The following TFEC variants were observed in gnomAD, a reference collection of about 807,000 sequenced individuals.
TFEC encodes class E basic helix-loop-helix protein 34.
A neutral mutation model predicts 41.6 loss-of-function variants in TFEC; 31 were observed. The observed-to-expected ratio is 0.74, with a 90% CI of 0.56 to 1.01. The LOEUF (loss-of-function observed/expected upper bound fraction) is 1.01. Ranked by LOEUF, TFEC falls within the 50% of genes least tolerant of loss-of-function variation. The pLI, the probability that TFEC is intolerant of heterozygous loss-of-function variation, is 0.00. For synonymous variants in TFEC, 143 were observed against 140.6 expected, an observed-to-expected ratio of 1.02 and a Z score of -0.12; for missense variants, 402 against 404.1, an observed-to-expected ratio of 0.99 and a Z score of 0.04.
chr7:116,066,793 G>C (rs540739475), intron 3 of TFEC, among the ~76,000 whole-genome samples: 1 of 151,960 alleles, frequency 6.6e-6, no homozygotes, highest in East Asian at 1.9e-4. Context: ...TGGTGCCCTC[G>C]TGGTCTTGAG....
At chr7:116,071,523 G>A (rs542638665) in intron 3 of TFEC, among the ~76,000 whole-genome samples, 1 of 151,340 alleles carries the variant, frequency 6.6e-6, no homozygotes, top group South Asian at 2.1e-4. Flanking sequence ...TTCTTAACAT[G>A]ATTTTAAGAA....
At chr7:115,992,214 G>A (rs573860266) in intron 1 of TFEC, among the ~76,000 whole-genome samples, 1 of 152,192 alleles carries the variant, frequency 6.6e-6, no homozygotes, top group Non-Finnish European at 1.5e-5. Flanking sequence ...GCAGTGTGTA[G>A]AGGGAAATTT....
At chr7:116,029,408 T>C (rs946988249) in intron 1 of TFEC, among the ~76,000 whole-genome samples, 3 of 152,180 alleles carry the variant, frequency 2.0e-5, no homozygotes, top group Middle Eastern at 3.2e-3. Context: ...TGAAGCAGAA[T>C]TGTCCGAATA....
intron 3 of TFEC, among the ~76,000 whole-genome samples, chr7:116,037,053 C>A (rs1228223366): frequency 6.6e-6 from 1 of 152,046 alleles, no homozygotes; most frequent in Admixed American, 6.6e-5. Context: ...GAAAGTCGTT[C>A]TGCAAGTAAA....
chr7:116,037,702 T>A (rs536507186), intron 3 of TFEC, among the ~76,000 whole-genome samples: 69 of 152,078 alleles, frequency 4.5e-4, no homozygotes, highest in African/African-American at 1.4e-3. Flanking sequence ...CTACAAATTA[T>A]CTAAAATATA....
At chr7:115,941,172 G>T (rs1196350107) in intron 7 of TFEC, 3 of 411,654 alleles carry the variant, frequency 7.3e-6, no homozygotes, top group South Asian at 4.1e-5. Context: ...CAAAGGTTAT[G>T]ACTGATGATG....
At chr7:115,956,100 T>G (rs1022069559) in intron 4 of TFEC, among the ~76,000 whole-genome samples, 6 of 152,046 alleles carry the variant, frequency 3.9e-5, no homozygotes, top group Admixed American at 1.3e-4. Context: ...CCTGGGTTGA[T>G]TTCCTCATTT....
At chr7:115,990,885 A>T (rs1162008052) in intron 1 of TFEC, among the ~76,000 whole-genome samples, 1 of 152,208 alleles carries the variant, frequency 6.6e-6, no homozygotes, top group Non-Finnish European at 1.5e-5. Flanking sequence ...AGAGAACGCC[A>T]CAAAGATACT....
intron 3 of TFEC, among the ~76,000 whole-genome samples, chr7:116,048,483 A>G (rs1314912658): frequency 6.6e-6 from 1 of 152,246 alleles, no homozygotes; most frequent in Admixed American, 6.5e-5. Flanking sequence ...GGATCACATG[A>G]AAAGACCAAA....
Position 116,149,530 on chromosome 7 carries a change from G to A in TFEC, c.-69+10260C>T, listed in dbSNP as rs556178165. Among the ~76,000 whole-genome samples the A allele has an allele frequency of 3.9e-5, 6 of 152,160 alleles. No homozygotes were observed. In the East Asian group the frequency reaches 1.2e-3, roughly 29 times the overall value. ...TAAGGAGAATTTCACAAAAATTAATGGAAGAGATTATTCTGATATTATAAA... is the reference window on the plus strand; with the variant it reads ...TAAGGAGAATTTCACAAAAATTAATAGAAGAGATTATTCTGATATTATAAA... On this transcript the variant is annotated intron_variant, in intron 1 of 8. Coordinates refer to the TFEC transcript ENST00000484212.
intron 1 of TFEC, among the ~76,000 whole-genome samples, chr7:116,026,555 C>T (rs561124028): frequency 4.2e-4 from 64 of 152,104 alleles, no homozygotes; most frequent in Non-Finnish European, 7.4e-4. Flanking sequence ...AATTACTGAA[C>T]GAGGTAAAAT....
At chr7:116,037,473 T>A (rs1415208484) in intron 3 of TFEC, among the ~76,000 whole-genome samples, 1 of 152,002 alleles carries the variant, frequency 6.6e-6, no homozygotes, top group Non-Finnish European at 1.5e-5. Flanking sequence ...ATCAGAATTG[T>A]ACCTTTAGAG....
intron 3 of TFEC, among the ~76,000 whole-genome samples, chr7:116,093,771 A>G (rs186084259): frequency 5.9e-5 from 9 of 152,280 alleles, no homozygotes; most frequent in Admixed American, 5.2e-4. Flanking sequence ...TGTTAGGAAA[A>G]TATATTCATA....
Position 115,936,443 on chromosome 7 carries a change from T to C in TFEC, c.*4108A>G, listed in dbSNP as rs1793232077. On this transcript the variant is annotated 3_prime_UTR_variant, in exon 8 of 8. Transcript: ENST00000265440. ...GCTGATAACACAGTGAAATAATTAA[T>C]TGATTCCAGTTTTATTCCACATCTT... 1 of 151,650 alleles carries C rather than the reference T, an allele frequency of 6.6e-6. No individual in the cohort carries two copies. 9.4% of individuals were successfully genotyped at this position (151,650 alleles called of 1,614,324 possible).
At chr7:116,094,936 C>T (rs967787907) in intron 3 of TFEC, among the ~76,000 whole-genome samples, 13 of 152,178 alleles carry the variant, frequency 8.5e-5, no homozygotes, top group African/African-American at 3.1e-4. Flanking sequence ...ATTAAACTTA[C>T]AATCACTGAT....
intron 2 of TFEC, among the ~76,000 whole-genome samples, chr7:115,979,082 G>T (rs1366746172): frequency 6.6e-6 from 1 of 152,082 alleles, no homozygotes; most frequent in Non-Finnish European, 1.5e-5. Context: ...CATGTTTTAA[G>T]GGAGAGTCTC....
At chr7:116,124,424 A>G (rs1403639869) in intron 1 of TFEC, among the ~76,000 whole-genome samples, 3 of 152,192 alleles carry the variant, frequency 2.0e-5, no homozygotes, top group African/African-American at 7.2e-5. Context: ...TGCACACTGG[A>G]AATAGCAAGA....
At chr7:116,055,379 T>C (rs575378021) in intron 3 of TFEC, among the ~76,000 whole-genome samples, 3 of 152,204 alleles carry the variant, frequency 2.0e-5, no homozygotes, top group Admixed American at 6.5e-5. Context: ...TTGAATTATA[T>C]AGACAAAATC....
At chr7:116,061,672 C>T (rs143388991) in intron 3 of TFEC, among the ~76,000 whole-genome samples, 1,470 of 110,424 alleles carry the variant, frequency 0.013, 86 homozygotes, top group Admixed American at 0.11. Flanking sequence ...GATAAGACTA[C>T]GAGACTAAGA....
Sources: allele counts gnomAD v4.1 joint callset (sites outside exome capture counted in the v4.1 genomes callset), GRCh38; gene constraint gnomAD v4.1.1; transcripts MANE v1.5; gene names NCBI Gene and HGNC (gene_info 2026-07-23, HGNC 2026-07-21).